Variants in CDK14 observed in about 807,000 individuals in gnomAD.
CDK14 encodes cyclin-dependent kinase 14.
In CDK14, 34 loss-of-function variants were observed where a neutral mutation model predicts 60.7. The observed-to-expected ratio is 0.56, with a 90% CI of 0.43 to 0.75. CDK14 has a LOEUF of 0.75. Ranked by LOEUF, CDK14 falls within the 30% of genes least tolerant of loss-of-function variation. The pLI, the probability that CDK14 is intolerant of heterozygous loss-of-function variation, is 0.00. For missense variants in CDK14, 482 were observed against 564.1 expected (o/e 0.85, Z 1.47); for synonymous variants, 197 against 203.7 (o/e 0.97, Z 0.28).
intron 5 of CDK14, among the ~76,000 whole-genome samples, chr7:90,807,156 G>C (rs1461817616): frequency 1.3e-5 from 2 of 152,242 alleles, no homozygotes; most frequent in Non-Finnish European, 2.9e-5. Flanking sequence ...TCTGAGAATG[G>C]ACAGACTGCC....
intron 11 of CDK14, among the ~76,000 whole-genome samples, chr7:91,061,625 A>C (rs1797789926): frequency 6.6e-6 from 1 of 151,974 alleles, no homozygotes; most frequent in South Asian, 2.1e-4. Context: ...AACAGTCAGG[A>C]CCCTCAGCTG....
chr7:90,794,640 G>A (rs1165574690), intron 5 of CDK14, among the ~76,000 whole-genome samples: 2 of 152,154 alleles, frequency 1.3e-5, no homozygotes, highest in African/African-American at 4.8e-5. Flanking sequence ...CTTGTTCCCT[G>A]AACATCGCTG....
chr7:90,941,084 G>A (rs1584147420), intron 8 of CDK14, among the ~76,000 whole-genome samples: 1 of 152,188 alleles, frequency 6.6e-6, no homozygotes, highest in East Asian at 1.9e-4. Context: ...AGTGCTGGGT[G>A]ACAAATCAGA....
intron 2 of CDK14, among the ~76,000 whole-genome samples, chr7:90,637,719 A>G (rs971553352): frequency 6.4e-5 from 9 of 141,022 alleles, no homozygotes; most frequent in African/African-American, 2.5e-4. Context: ...TGATCTGTCT[A>G]ATGTTGACAG....
chr7:90,780,142 A>T (rs1805247007), intron 4 of CDK14, among the ~76,000 whole-genome samples: 1 of 152,192 alleles, frequency 6.6e-6, no homozygotes, highest in Non-Finnish European at 1.5e-5. Context: ...CTAAGTGATT[A>T]TGGTTAGCAA....
At chr7:90,807,555 G>C (rs529059117) in intron 5 of CDK14, among the ~76,000 whole-genome samples, 1 of 152,298 alleles carries the variant, frequency 6.6e-6, no homozygotes, top group South Asian at 2.1e-4. Flanking sequence ...AAAAATCCGA[G>C]TGCCTCTCCT....
At chr7:91,055,994 A>T (rs569452359) in intron 11 of CDK14, among the ~76,000 whole-genome samples, 3 of 152,238 alleles carry the variant, frequency 2.0e-5, no homozygotes, top group African/African-American at 7.2e-5. Context: ...GTATATAACT[A>T]GGAATCTATG....
At chr7:90,689,314 A>G (rs1048775355) in intron 2 of CDK14, among the ~76,000 whole-genome samples, 3 of 152,174 alleles carry the variant, frequency 2.0e-5, no homozygotes, top group African/African-American at 4.8e-5. Context: ...TATCTGGTAC[A>G]GATTAGATAC....
chr7:90,758,657 TCTGCCCTCG>T (rs1804181448), intron 4 of CDK14, among the ~76,000 whole-genome samples: 1 of 152,232 alleles, frequency 6.6e-6, no homozygotes, highest in Non-Finnish European at 1.5e-5. Context: ...AGATGAGGAT[TCTGCCCTCG>T]GGAAACTTAA....
intron 1 of CDK14, among the ~76,000 whole-genome samples, chr7:90,601,608 C>T (rs937809368): frequency 6.6e-6 from 1 of 152,098 alleles, no homozygotes; most frequent in Middle Eastern, 3.2e-3. Flanking sequence ...CCTCTTTGTC[C>T]AGAATGTTGG....
At chr7:90,776,467 C>T (rs1805049550) in intron 4 of CDK14, among the ~76,000 whole-genome samples, 1 of 152,170 alleles carries the variant, frequency 6.6e-6, no homozygotes, top group Admixed American at 6.5e-5. Context: ...AACAATCAAA[C>T]ATCAAAGCAG....
At chr7:90,966,981 A>T (rs1382758261) in intron 9 of CDK14, among the ~76,000 whole-genome samples, 1 of 151,946 alleles carries the variant, frequency 6.6e-6, no homozygotes, top group Non-Finnish European at 1.5e-5. Flanking sequence ...TTCCTAACTG[A>T]CACTTTGGTC....
chr7:91,109,570 A>G (rs946034509), intron 12 of CDK14, among the ~76,000 whole-genome samples: 1 of 152,162 alleles, frequency 6.6e-6, no homozygotes, highest in African/African-American at 2.4e-5. Flanking sequence ...ACAAAATAGG[A>G]TGCAGAATTA....
intron 2 of CDK14, among the ~76,000 whole-genome samples, chr7:90,652,806 GAC>G (rs1395998695): frequency 6.6e-6 from 1 of 152,180 alleles, no homozygotes; most frequent in Non-Finnish European, 1.5e-5. Flanking sequence ...TTTGCCCAAA[GAC>G]ACACATCTAC....
chr7:90,644,498 C>G (rs1314196512), intron 2 of CDK14, among the ~76,000 whole-genome samples: 1 of 152,040 alleles, frequency 6.6e-6, no homozygotes, highest in Non-Finnish European at 1.5e-5. Context: ...GGTAACAGCT[C>G]TATGTAATTC....
chr7:90,757,887 G>A (rs1298397179), intron 4 of CDK14, among the ~76,000 whole-genome samples: 1 of 152,200 alleles, frequency 6.6e-6, no homozygotes, highest in African/African-American at 2.4e-5. Flanking sequence ...ACAGACATGA[G>A]CAACCATGCC....
At chr7:90,944,506 G>A (rs1414890934) in intron 8 of CDK14, among the ~76,000 whole-genome samples, 2 of 152,204 alleles carry the variant, frequency 1.3e-5, no homozygotes, top group African/African-American at 4.8e-5. Context: ...GCTGAGGCGG[G>A]AGGACCACTT....
chr7:90,747,201 A>G (rs1218045051), intron 3 of CDK14, among the ~76,000 whole-genome samples: 2 of 152,232 alleles, frequency 1.3e-5, no homozygotes, highest in African/African-American at 4.8e-5. Context: ...TAGAAAAGGT[A>G]AAAACTATTC....
chr7:91,102,374 T>C (rs565288947), intron 12 of CDK14, among the ~76,000 whole-genome samples: 1 of 152,334 alleles, frequency 6.6e-6, no homozygotes, highest in African/African-American at 2.4e-5. Flanking sequence ...TCTAGAACTT[T>C]TTCTTCCCAT....
Sources: allele counts gnomAD v4.1 joint callset (sites outside exome capture counted in the v4.1 genomes callset), GRCh38; gene constraint gnomAD v4.1.1; transcripts MANE v1.5; gene names NCBI Gene and HGNC (gene_info 2026-07-23, HGNC 2026-07-21).